CYFIP2: variants seen among roughly 807,000 people sequenced by gnomAD.
CYFIP2 encodes cytoplasmic FMR1 interacting protein 2.
CYFIP2 carries 29 observed loss-of-function variants against 158.7 expected under a neutral mutation model. That is an observed-to-expected ratio of 0.18 (90% CI 0.14 to 0.25). The LOEUF (loss-of-function observed/expected upper bound fraction) is 0.25. CYFIP2 is among the 10% of genes least tolerant of loss of function. The pLI is 1.00. For missense variants in CYFIP2, 852 were observed against 1,639.5 expected, an observed-to-expected ratio of 0.52 and a Z score of 8.29; for synonymous variants, 585 against 617.6, an observed-to-expected ratio of 0.95 and a Z score of 0.78.
At chr5:157,375,336 C>G (rs1312389313) in intron 26 of CYFIP2, among the ~76,000 whole-genome samples, 1 of 152,162 alleles carries the variant, frequency 6.6e-6, no homozygotes, top group Non-Finnish European at 1.5e-5. Flanking sequence ...CCATGCCTAT[C>G]AAAGAACTGG....
At chr5:157,274,783 C>G (rs183153180) in intron 1 of CYFIP2, among the ~76,000 whole-genome samples, 1 of 152,122 alleles carries the variant, frequency 6.6e-6, no homozygotes, top group South Asian at 2.1e-4. Flanking sequence ...GAAGTGGTAT[C>G]GATTTGCATT....
At chr5:157,286,932 T>G in intron 2 of CYFIP2, 87 bp from the exon 3 acceptor site, 2 of 950,598 alleles carry the variant, frequency 2.1e-6, no homozygotes, top group Non-Finnish European at 3.3e-6. Context: ...TTGCGTTGTT[T>G]GTTGGCAGCA....
chr5:157,291,445 C>A (rs555267319), intron 3 of CYFIP2, among the ~76,000 whole-genome samples: 1 of 152,340 alleles, frequency 6.6e-6, no homozygotes, highest in African/African-American at 2.4e-5. Flanking sequence ...GGGCAGAGTT[C>A]ACATTCTTCT....
intron 18 of CYFIP2, among the ~76,000 whole-genome samples, chr5:157,326,507 G>T (rs1040481969): frequency 6.6e-6 from 1 of 152,196 alleles, no homozygotes; most frequent in African/African-American, 2.4e-5. Context: ...GCACCATGAA[G>T]GGCTTCATGT....
intron 28 of CYFIP2, among the ~76,000 whole-genome samples, chr5:157,386,482 T>C (rs901471177): frequency 2.6e-5 from 4 of 152,128 alleles, no homozygotes; most frequent in Non-Finnish European, 4.4e-5. Flanking sequence ...TTCACACAGG[T>C]AGATGCACAC....
At chr5:157,305,164 T>C (rs1440441361) in intron 8 of CYFIP2, among the ~76,000 whole-genome samples, 2 of 152,200 alleles carry the variant, frequency 1.3e-5, no homozygotes, top group African/African-American at 4.8e-5. Context: ...TTGACGGGCA[T>C]TTAGGTTGAT....
Position 157,309,834 on chromosome 5 carries a change from A to G in CYFIP2, c.992A>G (p.Lys331Arg), listed in dbSNP as rs772144956. The part of the protein sequence containing the change: ...TSAHYEENKS[K>R]WTCTQSSISP... The stretch of plus-strand genomic sequence containing the variant: ...GCTCACTATGAAGAGAACAAGTCCA[A>G]GTGAGTGCCTGCCGTAATGTCTCTC... Residue 331 changes from lysine (K) to arginine (R), a missense_variant and splice_region_variant, in exon 10 of 31, where the codon AAG (lysine) becomes AGG (arginine). By Grantham distance (26) the Lys-to-Arg change is conservative (BLOSUM62 2). Transcript: ENST00000620254. The G allele has an allele frequency of 6.3e-7, 1 of 1,588,946 alleles. No individual in the cohort carries two copies. Among genetic ancestry groups the G allele is most frequent in the Non-Finnish European group, 8.6e-7 (1 of 1,168,124 alleles).
chr5:157,304,187 AG>A, intron 7 of CYFIP2, 50 bp from the exon 8 acceptor site: 1 of 1,575,768 alleles, frequency 6.3e-7, no homozygotes, highest in Non-Finnish European at 8.6e-7. Context: ...GGTGCAGGTG[AG>A]GGCACAGGAT....
chr5:157,369,910 C>G (rs1764831211), intron 26 of CYFIP2, among the ~76,000 whole-genome samples: 1 of 111,532 alleles, frequency 9.0e-6, no homozygotes, highest in Admixed American at 9.3e-5. Context: ...AAGACAGAGT[C>G]TTGCTCTGTA....
At chr5:157,269,750 C>T (rs1409687937) in intron 1 of CYFIP2, among the ~76,000 whole-genome samples, 2 of 152,192 alleles carry the variant, frequency 1.3e-5, no homozygotes, top group Non-Finnish European at 2.9e-5. Context: ...CCTCTCTGTA[C>T]TGTTGAGCCA....
intron 5 of CYFIP2, 73 bp downstream of exon 5, chr5:157,296,847 A>G: frequency 1.7e-6 from 2 of 1,198,698 alleles, no homozygotes; most frequent in Admixed American, 2.1e-5. Flanking sequence ...TGGGGTCTGC[A>G]GTTTTGTGCC....
chr5:157,296,823 A>G (rs1034477098), intron 5 of CYFIP2, 49 bp downstream of exon 5: 1 of 1,473,228 alleles, frequency 6.8e-7, no homozygotes, highest in Non-Finnish European at 9.4e-7. Context: ...AAAGGCCCCT[A>G]GTTTTCTAAC....
chr5:157,267,561 G>T (rs2113795053), intron 1 of CYFIP2, among the ~76,000 whole-genome samples: 1 of 152,330 alleles, frequency 6.6e-6, no homozygotes, highest in South Asian at 2.1e-4. Flanking sequence ...TCCATACAGT[G>T]CCCTGCCCTT....
intron 17 of CYFIP2, 152 bp downstream of exon 17, chr5:157,325,790 C>G (rs1415090219): frequency 2.5e-6 from 2 of 814,192 alleles, no homozygotes; most frequent in East Asian, 2.9e-5. Flanking sequence ...CAGACAGAAT[C>G]ATTTAATTCA....
At chr5:157,283,573 C>T (rs1160676138) in intron 1 of CYFIP2, among the ~76,000 whole-genome samples, 5 of 152,194 alleles carry the variant, frequency 3.3e-5, no homozygotes, top group Non-Finnish European at 7.3e-5. Flanking sequence ...GGAGACCAGC[C>T]TTCTGCAGAG....
rs200489390 is a variant in CYFIP2 at position 157,342,902 on chromosome 5, C to T, written c.2673+1745C>T. ...AGGCAGTATAGCGGGTGGGTCACCACCCCCCCTCTGTAAGGCACCCGCATC... is the reference window on the plus strand; with the variant it reads ...AGGCAGTATAGCGGGTGGGTCACCATCCCCCCTCTGTAAGGCACCCGCATC... On this transcript the variant is annotated intron_variant, in intron 23 of 30. Transcript: ENST00000620254. 15 of 1,613,142 alleles carry T rather than the reference C, an allele frequency of 9.3e-6. No individual in the cohort carries two copies. In the East Asian group the frequency reaches 2.7e-4, roughly 29 times the overall value.
rs1350206158 is a variant in CYFIP2 at position 157,341,166 on chromosome 5, T to A, written c.2673+9T>A. 1.2e-6 allele frequency: 2 copies of A among 1,612,724 alleles called. No individual in the cohort carries two copies. The highest frequency in any genetic ancestry group is 2.7e-5 in the African/African-American group (2 of 74,982). ...ACCTCTATGGATCCAAGGTAAGTAG[T>A]CCTGCCCTACCCTGCCTAGAAGAGG... On this transcript the variant is annotated intron_variant, in intron 23 of 30. Transcript: ENST00000620254.
rs1760526023 is a variant in CYFIP2, at chr5:157,320,700, G to A, written c.1569G>A (p.Gly523=). 6.2e-7 allele frequency: 1 copy of A among 1,613,926 alleles called. No homozygotes were observed. The change falls in exon 15 of 31, where the codon GGG becomes GGA. Residue 523 remains glycine, a synonymous_variant. Transcript: ENST00000620254. ...AGACCATCTGTGACTGGGAGGGAGG[G>A]CGAGAGCCCCCTAATGACCCATGCT... ...IRKTICDWEG[G]REPPNDPCLR... is the part of the protein sequence containing the mutation.
intron 1 of CYFIP2, among the ~76,000 whole-genome samples, chr5:157,279,241 G>A (rs1367133669): frequency 3.3e-5 from 5 of 152,166 alleles, no homozygotes; most frequent in African/African-American, 7.2e-5. Context: ...ACTGAGGCTC[G>A]GAGAGGTTAA....
Sources: gnomAD v4.1 joint callset for allele counts (sites outside exome capture counted in the v4.1 genomes callset) on GRCh38, gnomAD v4.1.1 for gene constraint, MANE v1.5 for transcripts, NCBI Gene and HGNC (gene_info 2026-07-23, HGNC 2026-07-21) for gene names.